The following KIF18A variants were observed in gnomAD, a reference collection of about 807,000 sequenced individuals.
KIF18A encodes kinesin family member 18A.
A neutral mutation model predicts 103.3 loss-of-function variants in KIF18A; 67 were observed. The ratio of observed to expected loss-of-function variants is 0.65; its 90% CI spans 0.53 to 0.79. KIF18A has a LOEUF of 0.79. KIF18A is among the 30% of genes least tolerant of loss of function. KIF18A has a pLI of 0.00. For missense variants in KIF18A, 1,032 were observed against 1,062.5 expected, an observed-to-expected ratio of 0.97 and a Z score of 0.40; for synonymous variants, 367 against 355.5, an observed-to-expected ratio of 1.03 and a Z score of -0.36.
intron 11 of KIF18A, 61 bp from the exon 12 acceptor site, chr11:28,062,577 T>A (rs1590688014): frequency 7.9e-7 from 1 of 1,271,438 alleles, no homozygotes; most frequent in East Asian, 2.7e-5. Context: ...ATTAAATCAG[T>A]TTAATAATTT....
intron 15 of KIF18A, among the ~76,000 whole-genome samples, chr11:28,024,746 T>G (rs1377877477): frequency 6.6e-6 from 1 of 151,882 alleles, no homozygotes; most frequent in Non-Finnish European, 1.5e-5. Flanking sequence ...GAGGATCAAT[T>G]TTTAACAGGT....
chr11:28,099,483 T>C (rs1166039237), intron 1 of KIF18A, among the ~76,000 whole-genome samples: 1 of 152,170 alleles, frequency 6.6e-6, no homozygotes, highest in Non-Finnish European at 1.5e-5. Context: ...AAAAATGGTA[T>C]GTGAGGTGAT....
chr11:28,055,058 T>C (rs375438278), intron 13 of KIF18A, among the ~76,000 whole-genome samples: 1 of 152,282 alleles, frequency 6.6e-6, no homozygotes, highest in South Asian at 2.1e-4. Context: ...AAATGAATCA[T>C]GCCCGAAAGG....
chr11:28,027,658 C>T (rs1196331046), intron 15 of KIF18A, among the ~76,000 whole-genome samples: 1 of 151,752 alleles, frequency 6.6e-6, no homozygotes, highest in Non-Finnish European at 1.5e-5. Context: ...AGAAAAAATT[C>T]CAAAACCTGA....
chr11:28,083,296 A>T (rs1485849000), intron 7 of KIF18A, 53 bp from the exon 8 acceptor site: 43 of 1,490,686 alleles, frequency 2.9e-5, no homozygotes, highest in Non-Finnish European at 3.8e-5. Context: ...AATCACAGAG[A>T]TAAATACATG....
At chr11:28,046,126 G>T (rs1386069546) in intron 13 of KIF18A, among the ~76,000 whole-genome samples, 1 of 151,866 alleles carries the variant, frequency 6.6e-6, no homozygotes, top group Non-Finnish European at 1.5e-5. Context: ...CATTGTGGAA[G>T]TCAGTGTGGC....
chr11:28,074,646 T>C (rs769104584), intron 10 of KIF18A, among the ~76,000 whole-genome samples: 7 of 152,188 alleles, frequency 4.6e-5, no homozygotes, highest in Non-Finnish European at 7.4e-5. Context: ...TCCCATTTCA[T>C]AGGCTAACAA....
intron 1 of KIF18A, among the ~76,000 whole-genome samples, chr11:28,104,207 C>A (rs1424975724): frequency 6.6e-6 from 1 of 152,114 alleles, no homozygotes; most frequent in Non-Finnish European, 1.5e-5. Context: ...CAAAAGCATT[C>A]AGATCATGAT....
At chr11:28,051,002 C>T (rs1590677907) in intron 13 of KIF18A, among the ~76,000 whole-genome samples, 1 of 151,684 alleles carries the variant, frequency 6.6e-6, no homozygotes, top group Non-Finnish European at 1.5e-5. Flanking sequence ...CACAAAAATA[C>T]AAAATATTGT....
At chr11:28,096,468 G>T (rs1047389878) in intron 2 of KIF18A, among the ~76,000 whole-genome samples, 1 of 152,152 alleles carries the variant, frequency 6.6e-6, no homozygotes, top group African/African-American at 2.4e-5. Context: ...TTCTTAAGCT[G>T]TCTTAAAGAC....
At chr11:28,044,304 C>G (rs1391969781) in intron 13 of KIF18A, among the ~76,000 whole-genome samples, 1 of 151,768 alleles carries the variant, frequency 6.6e-6, no homozygotes, top group Non-Finnish European at 1.5e-5. Flanking sequence ...CCCATATACC[C>G]CCTAAATGGA....
chr11:28,098,992 T>C (rs747349117), intron 1 of KIF18A, among the ~76,000 whole-genome samples: 1 of 152,036 alleles, frequency 6.6e-6, no homozygotes, highest in Non-Finnish European at 1.5e-5. Flanking sequence ...TGAGTATATA[T>C]CCAAAGGAAT....
At chr11:28,053,355 T>A (rs1291409661) in intron 13 of KIF18A, among the ~76,000 whole-genome samples, 1 of 152,034 alleles carries the variant, frequency 6.6e-6, no homozygotes, top group Non-Finnish European at 1.5e-5. Context: ...TTATCAGGTG[T>A]CACAAAATAT....
At chr11:28,038,947 C>A (rs181853127) in intron 13 of KIF18A, among the ~76,000 whole-genome samples, 1 of 151,728 alleles carries the variant, frequency 6.6e-6, no homozygotes, top group Admixed American at 6.6e-5. Context: ...TAATAGCTGG[C>A]AGATTAACTT....
chr11:28,055,642 C>A (rs904089772), intron 13 of KIF18A, among the ~76,000 whole-genome samples: 1 of 152,076 alleles, frequency 6.6e-6, no homozygotes, highest in Non-Finnish European at 1.5e-5. Flanking sequence ...TATCAAATTA[C>A]CTCAGTCTCT....
At chr11:28,086,815 A>C (rs1851234546) in intron 6 of KIF18A, among the ~76,000 whole-genome samples, 2 of 152,194 alleles carry the variant, frequency 1.3e-5, no homozygotes, top group South Asian at 4.1e-4. Context: ...TTATTAAAAA[A>C]TTATAGATTA....
chr11:28,036,664 C>G lies in KIF18A; in HGVS notation c.1949G>C (p.Cys650Ser). The G allele has an allele frequency of 6.5e-7, 1 of 1,536,614 alleles. No homozygotes were observed. The highest frequency in any genetic ancestry group is 8.8e-7 in the Non-Finnish European group (1 of 1,139,106). ...CAGATTAGTTCCACCTGAAGATGAGCCTATTCAAAAAAATAAAAAAAGACA... is the reference window on the plus strand; with the variant it reads ...CAGATTAGTTCCACCTGAAGATGAGGCTATTCAAAAAAATAAAAAAAGACA... Reference protein sequence around the residue: ...QLGPVQPIPCCSSSGGTNLVK... With the variant: ...QLGPVQPIPCSSSSGGTNLVK... Residue 650 changes from cysteine (C) to serine (S), a missense_variant and splice_region_variant, in exon 14 of 17, where the codon TGC (cysteine) becomes TCC (serine). Physicochemically the swap from Cys to Ser is moderately radical, Grantham distance 112. Transcript: ENST00000263181.
rs1851259973 is a variant in KIF18A, at chr11:28,088,452, C to T, written c.897+72G>A. The T allele has an allele frequency of 2.3e-6, 3 of 1,280,532 alleles. No individual in the cohort carries two copies. The South Asian group carries it at 3.9e-5, about 16-fold the overall frequency. The allele number at this position is 1,280,532 out of a possible 1,614,324, so 79.3% of individuals were successfully genotyped here. The stretch of plus-strand genomic sequence containing the variant: ...ATATATCAGACCTTTAAAACAAAAT[C>T]ATATTAAATAGTATCTTTCTTATCT... On this transcript the variant is annotated intron_variant, in intron 6 of 16. Transcript: ENST00000263181.
At chr11:28,054,486 A>C (rs1850753204) in intron 13 of KIF18A, among the ~76,000 whole-genome samples, 1 of 152,208 alleles carries the variant, frequency 6.6e-6, no homozygotes. Flanking sequence ...CTGGGATTGC[A>C]GGCGTAAGCC....
Sources: gnomAD v4.1 joint callset for allele counts (sites outside exome capture counted in the v4.1 genomes callset) on GRCh38, gnomAD v4.1.1 for gene constraint, MANE v1.5 for transcripts, NCBI Gene and HGNC (gene_info 2026-07-23, HGNC 2026-07-21) for gene names.